Variants in ST6GALNAC3 observed in about 807,000 individuals in gnomAD.
ST6GALNAC3 encodes ST6 N-acetylgalactosaminide alpha-2,6-sialyltransferase 3.
In ST6GALNAC3, 25 loss-of-function variants were observed where a neutral mutation model predicts 32.7. The observed-to-expected ratio is 0.76, with a 90% CI of 0.56 to 1.07. The LOEUF (loss-of-function observed/expected upper bound fraction) is 1.07. Among genes scored for constraint, ST6GALNAC3 ranks in the 50% least tolerant of loss-of-function variants. The probability of loss-of-function intolerance (pLI) is 0.00; values close to 1 mark genes in which losing one functional copy is unlikely to be tolerated. For missense variants in ST6GALNAC3, 355 were observed against 382.4 expected (o/e 0.93, Z 0.60); for synonymous variants, 129 against 133.1 (o/e 0.97, Z 0.21).
At chr1:76,527,078 A>G (rs1219224489) in intron 3 of ST6GALNAC3, among the ~76,000 whole-genome samples, 2 of 151,976 alleles carry the variant, frequency 1.3e-5, no homozygotes, top group African/African-American at 4.8e-5. Context: ...ATTGAATTGA[A>G]CTCTATGATT....
chr1:76,494,535 TATTTCATGTGTATAAACACACACAC>T (rs1660716337), intron 3 of ST6GALNAC3, among the ~76,000 whole-genome samples: 1 of 120,720 alleles, frequency 8.3e-6, no homozygotes, highest in African/African-American at 3.2e-5. Flanking sequence ...CATGAAAATA[TATTTCATGTGTATAAACACACACAC>T]ACACACACAC....
intron 2 of ST6GALNAC3, among the ~76,000 whole-genome samples, chr1:76,348,066 G>A (rs1185148486): frequency 2.0e-5 from 3 of 152,136 alleles, no homozygotes; most frequent in Non-Finnish European, 4.4e-5. Flanking sequence ...TTTCGTAGAA[G>A]CCTACCAACT....
chr1:76,533,612 C>A (rs185481207), intron 3 of ST6GALNAC3, among the ~76,000 whole-genome samples: 4 of 152,272 alleles, frequency 2.6e-5, no homozygotes, highest in Non-Finnish European at 4.4e-5. Context: ...CTCCACTGCA[C>A]CTTTCCCTCC....
intron 3 of ST6GALNAC3, among the ~76,000 whole-genome samples, chr1:76,586,149 G>A (rs1646959063): frequency 6.6e-6 from 1 of 152,142 alleles, no homozygotes; most frequent in South Asian, 2.1e-4. Context: ...CTTCACTACA[G>A]AGATAAATAT....
chr1:76,426,795 A>G (rs1557877200), intron 3 of ST6GALNAC3, among the ~76,000 whole-genome samples: 1 of 151,902 alleles, frequency 6.6e-6, no homozygotes, highest in Non-Finnish European at 1.5e-5. Flanking sequence ...TTGTACTATG[A>G]TGCTATGACA....
intron 3 of ST6GALNAC3, among the ~76,000 whole-genome samples, chr1:76,497,680 C>T (rs1359782392): frequency 1.3e-5 from 2 of 152,114 alleles, no homozygotes; most frequent in Admixed American, 1.3e-4. Context: ...TTGCCTAGCC[C>T]AGCAGGTAGG....
chr1:76,203,466 G>A (rs1214567666), intron 1 of ST6GALNAC3, among the ~76,000 whole-genome samples: 1 of 152,128 alleles, frequency 6.6e-6, no homozygotes, highest in Admixed American at 6.6e-5. Flanking sequence ...TAGAATCAGT[G>A]GTATAGACCC....
chr1:76,624,853 C>T (rs1270927567), intron 3 of ST6GALNAC3, among the ~76,000 whole-genome samples: 1 of 151,928 alleles, frequency 6.6e-6, no homozygotes, highest in Non-Finnish European at 1.5e-5. Flanking sequence ...ATACCCCATA[C>T]ATTTAGTGTC....
chr1:76,576,185 G>A (rs1292777318), intron 3 of ST6GALNAC3, among the ~76,000 whole-genome samples: 1 of 151,982 alleles, frequency 6.6e-6, no homozygotes, highest in African/African-American at 2.4e-5. Context: ...AGATACAGAA[G>A]AAAACAGGAT....
intron 1 of ST6GALNAC3, among the ~76,000 whole-genome samples, chr1:76,091,014 G>A (rs901105399): frequency 5.9e-5 from 9 of 152,056 alleles, no homozygotes; most frequent in Admixed American, 3.3e-4. Context: ...TTGCAATTGC[G>A]CAGGCCGAAT....
intron 3 of ST6GALNAC3, among the ~76,000 whole-genome samples, chr1:76,524,371 G>A (rs1303687818): frequency 1.3e-5 from 2 of 152,012 alleles, no homozygotes; most frequent in Admixed American, 6.6e-5. Context: ...CTGTATTACA[G>A]TTATCTGATT....
chr1:76,517,381 AT>A (rs1266400594), intron 3 of ST6GALNAC3, among the ~76,000 whole-genome samples: 2 of 151,444 alleles, frequency 1.3e-5, no homozygotes, highest in African/African-American at 4.8e-5. Flanking sequence ...TTAATGTTTT[AT>A]TTTTGTCATA....
chr1:76,617,787 C>T (rs927239870), intron 3 of ST6GALNAC3, among the ~76,000 whole-genome samples: 2 of 152,072 alleles, frequency 1.3e-5, no homozygotes, highest in African/African-American at 4.8e-5. Context: ...CTGACACTAG[C>T]CAAAGATGGG....
chr1:76,277,029 G>T (rs996456771), intron 1 of ST6GALNAC3, among the ~76,000 whole-genome samples: 1 of 152,034 alleles, frequency 6.6e-6, no homozygotes, highest in African/African-American at 2.4e-5. Flanking sequence ...TGGATTTGTA[G>T]AAGTTCTTGT....
At chr1:76,402,018 T>A (rs1312406716) in intron 2 of ST6GALNAC3, among the ~76,000 whole-genome samples, 1 of 140,882 alleles carries the variant, frequency 7.1e-6, no homozygotes, top group Admixed American at 7.8e-5. Context: ...AAGTCTTCGA[T>A]GGTTTAGAGA....
intron 1 of ST6GALNAC3, among the ~76,000 whole-genome samples, chr1:76,221,367 C>A (rs1489069023): frequency 6.6e-6 from 1 of 152,104 alleles, no homozygotes; most frequent in African/African-American, 2.4e-5. Flanking sequence ...AACCACATGC[C>A]CTGGGGTCAA....
At chr1:76,430,401 G>C (rs954480135) in intron 3 of ST6GALNAC3, among the ~76,000 whole-genome samples, 8 of 152,134 alleles carry the variant, frequency 5.3e-5, no homozygotes, top group African/African-American at 1.9e-4. Context: ...TTCTAAGTTT[G>C]TTGCCAACTA....
intron 3 of ST6GALNAC3, among the ~76,000 whole-genome samples, chr1:76,512,890 C>G (rs183184556): frequency 6.6e-6 from 1 of 152,172 alleles, no homozygotes; most frequent in Admixed American, 6.5e-5. Flanking sequence ...ATTTGCATTT[C>G]CCTGATTATT....
chr1:76,436,021 C>G (rs1011570483), intron 3 of ST6GALNAC3, among the ~76,000 whole-genome samples: 1 of 152,078 alleles, frequency 6.6e-6, no homozygotes, highest in Non-Finnish European at 1.5e-5. Flanking sequence ...TCACTCCCTT[C>G]CCACCCTTTC....
Sources: allele counts gnomAD v4.1 joint callset (sites outside exome capture counted in the v4.1 genomes callset), GRCh38; gene constraint gnomAD v4.1.1; transcripts MANE v1.5; gene names NCBI Gene and HGNC (gene_info 2026-07-23, HGNC 2026-07-21).